STPG1: variants seen among roughly 807,000 people sequenced by gnomAD.
STPG1 encodes O(6)-methylguanine-induced apoptosis 2.
In STPG1, 33 loss-of-function variants were observed where a neutral mutation model predicts 40.1. That is an observed-to-expected ratio of 0.82 (90% confidence interval 0.62 to 1.10). The LOEUF (loss-of-function observed/expected upper bound fraction) is 1.10, where lower values mean the gene tolerates loss of function less well. STPG1 is among the 50% of genes least tolerant of loss of function. STPG1 has a pLI of 0.00. For synonymous variants in STPG1, 150 were observed against 155.0 expected, an observed-to-expected ratio of 0.97 and a Z score of 0.24; for missense variants, 396 against 415.1, an observed-to-expected ratio of 0.95 and a Z score of 0.40.
intron 7 of STPG1, among the ~76,000 whole-genome samples, chr1:24,362,255 T>G (rs1641171361): frequency 6.6e-6 from 1 of 152,216 alleles, no homozygotes; most frequent in African/African-American, 2.4e-5. Context: ...TTCAACCTCC[T>G]TAGTTTTCTA....
chr1:24,374,905 C>T (rs906612166), intron 5 of STPG1, among the ~76,000 whole-genome samples: 4 of 152,170 alleles, frequency 2.6e-5, no homozygotes, highest in Admixed American at 2.0e-4. Flanking sequence ...GGATTACAGG[C>T]GTGAGCCACT....
intron 3 of STPG1, among the ~76,000 whole-genome samples, chr1:24,386,489 T>C (rs1212278621): frequency 6.6e-6 from 1 of 152,214 alleles, no homozygotes; most frequent in Non-Finnish European, 1.5e-5. Flanking sequence ...TGGCTTGAAG[T>C]TGGCCACGGT....
At chr1:24,363,137 C>G (rs189733007) in intron 7 of STPG1, among the ~76,000 whole-genome samples, 1 of 152,318 alleles carries the variant, frequency 6.6e-6, no homozygotes, top group East Asian at 1.9e-4. Flanking sequence ...CCACCCTGTT[C>G]TTTGAGAAAA....
In STPG1 at chr1:24,386,911, C is replaced by A. The variant is rs533012784; in HGVS notation, c.190-2908G>T. ...TACTAGTGCTCTAGGGAAGCCCTAC[C>A]CACTGTCTCCTTTGCTGCCTCTAAG... On this transcript the variant is annotated intron_variant, in intron 3 of 8. Transcript: ENST00000337248. Among the ~76,000 whole-genome samples the A allele has an allele frequency of 6.6e-4, 100 of 152,290 alleles. 1 individual carries two copies. In the Middle Eastern group the frequency reaches 0.01, roughly 16 times the overall value.
At chr1:24,376,741 T>A (rs1642044764) in intron 5 of STPG1, among the ~76,000 whole-genome samples, 1 of 152,152 alleles carries the variant, frequency 6.6e-6, no homozygotes, top group African/African-American at 2.4e-5. Flanking sequence ...GAGAGGGGCA[T>A]CCGCACAGAC....
rs557397606 is a variant in STPG1, at chr1:24,393,449, G to T, written c.71-1770C>A. ...GCAGAAGCAGCTGCAAGACTTCCTG[G>T]CTTTTGTTTCTAAAAGCCTAAGCCT... On this transcript the variant is annotated intron_variant, in intron 2 of 8. Coordinates refer to ENST00000337248, the MANE Select transcript of STPG1 (RefSeq NM_001199013.2). Among the ~76,000 whole-genome samples, 3 of 152,300 alleles carry T rather than the reference G, an allele frequency of 2.0e-5. No homozygotes were observed. In the East Asian group the frequency reaches 5.8e-4, roughly 29 times the overall value.
At chr1:24,385,359 G>C (rs540098885) in intron 3 of STPG1, among the ~76,000 whole-genome samples, 2 of 152,174 alleles carry the variant, frequency 1.3e-5, no homozygotes, top group African/African-American at 4.8e-5. Flanking sequence ...GACGGAAGAG[G>C]AACTGACTGC....
chr1:24,360,888 C>T lies in STPG1; in HGVS notation c.891G>A (p.Trp297Ter). ...SASFVSNTSR[W>*]TAAPPQPGLP... Reference sequence around the variant, plus strand: ...GGCCTGGCTGAGGCGGCGCCGCTGTCCACCGGCTGGTATTGGACACGAATG... The same window carrying T: ...GGCCTGGCTGAGGCGGCGCCGCTGTTCACCGGCTGGTATTGGACACGAATG... Residue 297 changes from tryptophan to a stop codon, truncating the protein, a stop_gained, in exon 8 of 9, where the codon TGG becomes TGA. Transcript: ENST00000337248. LOFTEE classifies it high-confidence loss of function. The T allele has an allele frequency of 6.2e-7, 1 of 1,613,622 alleles. No homozygotes were observed. Among genetic ancestry groups the T allele is most frequent in the Non-Finnish European group, 8.5e-7 (1 of 1,179,804 alleles).
chr1:24,369,741 T>C lies in STPG1; in HGVS notation c.670A>G (p.Thr224Ala), dbSNP rs113265496. 63 of 1,613,178 alleles carry C rather than the reference T, an allele frequency of 3.9e-5. 1 individual carries two copies. The African/African-American group carries it at 5.2e-4, about 13-fold the overall frequency. Reference protein sequence around the residue: ...KTNRGLKLTSTGPGPGYYNPS... With the variant: ...KTNRGLKLTSAGPGPGYYNPS... Reference sequence around the variant, plus strand: ...TTGTAATAACCAGGTCCCGGGCCTGTTGACGTCAGTTTTAATCCACGGTTG... The same window carrying C: ...TTGTAATAACCAGGTCCCGGGCCTGCTGACGTCAGTTTTAATCCACGGTTG... The change falls in exon 7 of 9, where the codon ACA becomes GCA. Residue 224 changes from threonine to alanine, a missense_variant. Thr to Ala is a moderately conservative substitution (Grantham distance 58). Transcript: ENST00000337248.
intron 2 of STPG1, 29 bp downstream of exon 2, chr1:24,401,290 C>A (rs61772837): frequency 2.5e-6 from 4 of 1,606,686 alleles, no homozygotes; most frequent in Non-Finnish European, 3.4e-6. Context: ...ATGTCAGGAG[C>A]TATCTCCTCC....
At chr1:24,401,974 A>G (rs980286665) in intron 1 of STPG1, among the ~76,000 whole-genome samples, 1 of 152,204 alleles carries the variant, frequency 6.6e-6, no homozygotes, top group African/African-American at 2.4e-5. Flanking sequence ...GGTGTGAGCC[A>G]CCATGCCTGG....
intron 1 of STPG1, among the ~76,000 whole-genome samples, chr1:24,405,989 A>G (rs1326002141): frequency 6.6e-6 from 1 of 152,152 alleles, no homozygotes; most frequent in Non-Finnish European, 1.5e-5. Context: ...TTTTTTAAAG[A>G]AAACATATAT....
intron 1 of STPG1, among the ~76,000 whole-genome samples, chr1:24,412,294 C>T (rs1643720864): frequency 6.6e-6 from 1 of 152,178 alleles, no homozygotes; most frequent in Non-Finnish European, 1.5e-5. Flanking sequence ...ATGGGGAGCT[C>T]CTTTCCTCAC....
chr1:24,378,966 T>C (rs543521035), intron 5 of STPG1, among the ~76,000 whole-genome samples: 69 of 152,226 alleles, frequency 4.5e-4, no homozygotes, highest in Admixed American at 7.9e-4. Flanking sequence ...TCTCCATGTA[T>C]TGTGTGGTCC....
chr1:24,384,043 A>G (rs758085452), intron 3 of STPG1, 40 bp from the exon 4 acceptor site: 8 of 1,268,134 alleles, frequency 6.3e-6, no homozygotes, highest in Non-Finnish European at 3.5e-6. Flanking sequence ...AGATACTTCA[A>G]TTCCATTGTG....
At chr1:24,374,257 G>GTTTTTTTTTTTTTT (rs1553122570) in intron 5 of STPG1, among the ~76,000 whole-genome samples, 1 of 62,122 alleles carries the variant, frequency 1.6e-5, no homozygotes, top group East Asian at 4.7e-4. Context: ...TTTTTTTTTT[G>GTTTTTTTTTTTTTT]TTTTTTTTTT....
Position 24,379,064 on chromosome 1 carries a change from A to G in STPG1, c.462+589T>C, listed in dbSNP as rs114663917. 7.3e-3 allele frequency among the ~76,000 whole-genome samples: 1,116 copies of G among 152,314 alleles called. 13 individuals are homozygous for G. The highest frequency in any genetic ancestry group is 0.026 in the African/African-American group (1,065 of 41,562). On this transcript the variant is annotated intron_variant, in intron 5 of 8. Transcript: ENST00000337248. ...CACGATGAGGTGAACATACATCACC[A>G]TTTTACAGATCAGTAAACTAAGCCC... is the stretch of plus-strand genomic sequence containing the variant.
intron 6 of STPG1, 61 bp from the exon 7 acceptor site, chr1:24,369,900 T>G: frequency 6.9e-7 from 1 of 1,442,898 alleles, no homozygotes; most frequent in Non-Finnish European, 9.4e-7. Flanking sequence ...TAAAAAGCAG[T>G]ACCTTACCCC....
rs1640954804 is a variant in STPG1 at position 24,359,498 on chromosome 1, T to A, written c.929-879A>T. On this transcript the variant is annotated intron_variant, in intron 8 of 8. Transcript: ENST00000337248. The surrounding 1 kb of genome is among the most constrained non-coding windows in gnomAD (Gnocchi z 5.3). ...AACCTCTACAGCCTTGCTGGTGTGATTATCACCACATTTGCAAGGCCAAAG... is the reference window on the plus strand; with the variant it reads ...AACCTCTACAGCCTTGCTGGTGTGAATATCACCACATTTGCAAGGCCAAAG... Among the ~76,000 whole-genome samples, 1 of 152,188 alleles carries A rather than the reference T, an allele frequency of 6.6e-6. No homozygotes were observed. The highest frequency in any genetic ancestry group is 1.5e-5 in the Non-Finnish European group (1 of 68,038).
Sources: gnomAD v4.1 joint callset for allele counts (sites outside exome capture counted in the v4.1 genomes callset) on GRCh38, gnomAD v4.1.1 for gene constraint, Gnocchi (gnomAD v3.1) non-coding constraint, MANE v1.5 for transcripts, NCBI Gene and HGNC (gene_info 2026-07-23, HGNC 2026-07-21) for gene names.